The following LINGO2 variants were observed in gnomAD, a reference collection of about 807,000 sequenced individuals.
LINGO2 encodes leucine-rich repeat and immunoglobulin-like domain-containing nogo receptor-interacting protein 2.
In LINGO2, 14 loss-of-function variants were observed where a neutral mutation model predicts 30.6. That is an observed-to-expected ratio of 0.46 (90% confidence interval 0.30 to 0.72). LINGO2 has a LOEUF of 0.72. Among genes scored for constraint, LINGO2 ranks in the 30% least tolerant of loss-of-function variants. LINGO2 has a pLI of 0.07. For synonymous variants in LINGO2, 317 were observed against 288.5 expected (o/e 1.10, Z -1.00); for missense variants, 729 against 751.7 (o/e 0.97, Z 0.35).
At position 28,053,912 on chromosome 9, in the gene LINGO2, T is replaced by C. The variant is rs183496259; in HGVS notation, c.-86-41507A>G. 1.0e-3 allele frequency among the ~76,000 whole-genome samples: 156 copies of C among 152,128 alleles called. 1 individual carries two copies. The highest frequency in any genetic ancestry group is 3.5e-3 in the African/African-American group (146 of 41,512). On this transcript the variant is annotated intron_variant, in intron 4 of 5. Coordinates refer to ENST00000379992, the Ensembl canonical transcript of LINGO2. Reference sequence around the variant, plus strand: ...CAATAGCTAGCCAAAGAATAGATACTCAAATGAAGACAACTGAGTAACAGA... The same window carrying C: ...CAATAGCTAGCCAAAGAATAGATACCCAAATGAAGACAACTGAGTAACAGA...
chr9:28,738,981 G>A, the LINGO2 span, among the ~76,000 whole-genome samples: 178 of 152,024 alleles, frequency 1.2e-3, no homozygotes, highest in Admixed American at 6.6e-3. Context: ...CTCAAATTGC[G>A]TTTTGTCAAT....
At chr9:27,969,403 T>C (rs755978994) in intron 5 of LINGO2, among the ~76,000 whole-genome samples, 1 of 152,090 alleles carries the variant, frequency 6.6e-6, no homozygotes, top group African/African-American at 2.4e-5. Flanking sequence ...AAAAGAAATA[T>C]TAACTAACAA....
chr9:28,510,799 G>T (rs1320714118), intron 1 of LINGO2, among the ~76,000 whole-genome samples: 2 of 151,776 alleles, frequency 1.3e-5, no homozygotes, highest in Non-Finnish European at 2.9e-5. Context: ...ATCTATTTGG[G>T]AGTTTATTAA....
chr9:28,648,657 CCT>C (rs1348532932), intron 1 of LINGO2, among the ~76,000 whole-genome samples: 1 of 152,038 alleles, frequency 6.6e-6, no homozygotes, highest in East Asian at 1.9e-4. Flanking sequence ...AAACAATTGT[CCT>C]CTTTCTCACA....
At chr9:28,735,705 T>C in the LINGO2 span, among the ~76,000 whole-genome samples, 2 of 152,150 alleles carry the variant, frequency 1.3e-5, no homozygotes, top group Admixed American at 6.5e-5. Context: ...ATCTATGATC[T>C]ATAATGACAT....
intron 4 of LINGO2, among the ~76,000 whole-genome samples, chr9:28,262,472 A>G (rs1236335337): frequency 6.6e-6 from 1 of 151,968 alleles, no homozygotes; most frequent in Non-Finnish European, 1.5e-5. Context: ...AAAAAGCCAG[A>G]TTAGTGGGGT....
intron 1 of LINGO2, among the ~76,000 whole-genome samples, chr9:28,519,741 T>C (rs1001861873): frequency 6.6e-6 from 1 of 152,200 alleles, no homozygotes; most frequent in Admixed American, 6.5e-5. Flanking sequence ...GCTTGTCTTT[T>C]ACCCTCACTA....
chr9:28,244,712 T>G (rs1821934149), intron 4 of LINGO2, among the ~76,000 whole-genome samples: 1 of 151,396 alleles, frequency 6.6e-6, no homozygotes, highest in Admixed American at 6.6e-5. Context: ...AAGAAATGGA[T>G]GAATTCCTGG....
At chr9:28,075,172 G>GTT (rs1210566210) in intron 4 of LINGO2, among the ~76,000 whole-genome samples, 1 of 151,824 alleles carries the variant, frequency 6.6e-6, no homozygotes, top group Non-Finnish European at 1.5e-5. Context: ...TTGAAATAGT[G>GTT]TTTAGTTTTA....
chr9:28,760,389 T>C, the LINGO2 span, among the ~76,000 whole-genome samples: 2 of 152,054 alleles, frequency 1.3e-5, no homozygotes, highest in Non-Finnish European at 2.9e-5. Flanking sequence ...CTAAGGGTTA[T>C]TCATGAGTAC....
intron 1 of LINGO2, among the ~76,000 whole-genome samples, chr9:28,519,432 T>C (rs1489233676): frequency 1.3e-5 from 2 of 152,210 alleles, no homozygotes; most frequent in Non-Finnish European, 2.9e-5. Context: ...TATCATTACT[T>C]AGTTAAGACT....
chr9:29,182,178 G>A, the LINGO2 span, among the ~76,000 whole-genome samples: 4 of 152,242 alleles, frequency 2.6e-5, no homozygotes, highest in African/African-American at 9.6e-5. Context: ...TCTTTAAATG[G>A]CAAGTACCCA....
chr9:28,895,078 C>G, the LINGO2 span, among the ~76,000 whole-genome samples: 5 of 152,176 alleles, frequency 3.3e-5, no homozygotes, highest in South Asian at 6.2e-4. Flanking sequence ...ATTGCTGCAC[C>G]TGTCCCAAAG....
intron 4 of LINGO2, among the ~76,000 whole-genome samples, chr9:28,293,913 G>A (rs1823832156): frequency 6.6e-6 from 1 of 152,302 alleles, no homozygotes; most frequent in African/African-American, 2.4e-5. Context: ...TGTATGCTGT[G>A]TTTTGATGTC....
intron 4 of LINGO2, among the ~76,000 whole-genome samples, chr9:28,052,651 C>T (rs1329131711): frequency 6.6e-6 from 1 of 152,204 alleles, no homozygotes; most frequent in African/African-American, 2.4e-5. Context: ...ACCAGCAAAT[C>T]CTAAGAACCT....
the LINGO2 span, among the ~76,000 whole-genome samples, chr9:29,126,712 A>G: frequency 0.041 from 6,253 of 152,130 alleles, 196 homozygotes; most frequent in Admixed American, 0.079. Flanking sequence ...GAACTTCGCA[A>G]TTATGTAAAG....
the LINGO2 span, among the ~76,000 whole-genome samples, chr9:28,743,188 T>G: frequency 5.9e-5 from 9 of 152,012 alleles, no homozygotes; most frequent in Non-Finnish European, 1.3e-4. Flanking sequence ...TTTATTTATT[T>G]ATCTTTTTAA....
chr9:28,242,547 A>C (rs563254232), intron 4 of LINGO2, among the ~76,000 whole-genome samples: 19 of 152,294 alleles, frequency 1.2e-4, no homozygotes, highest in African/African-American at 4.6e-4. Context: ...TGAAAAACAC[A>C]CTTCAGGATA....
intron 2 of LINGO2, among the ~76,000 whole-genome samples, chr9:28,384,199 A>C (rs1258206234): frequency 6.6e-6 from 1 of 151,510 alleles, no homozygotes; most frequent in Non-Finnish European, 1.5e-5. Flanking sequence ...TGCCACTCAA[A>C]ACAAAAACTA....
Sources: gnomAD v4.1 joint callset for allele counts (sites outside exome capture counted in the v4.1 genomes callset) on GRCh38, gnomAD v4.1.1 for gene constraint, MANE v1.5 for transcripts, NCBI Gene and HGNC (gene_info 2026-07-23, HGNC 2026-07-21) for gene names.